Variants in PPARG observed in about 807,000 individuals in gnomAD.
PPARG encodes peroxisome proliferator activated receptor gamma, also known as peroxisome proliferator-activated receptor gamma.
PPARG carries 17 observed loss-of-function variants against 39.2 expected under a neutral mutation model. The ratio of observed to expected loss-of-function variants is 0.43; its 90% CI spans 0.30 to 0.65. The LOEUF is 0.65. Among genes scored for constraint, PPARG ranks in the 30% least tolerant of loss-of-function variants. The probability of loss-of-function intolerance (pLI) is 0.13; values close to 1 mark genes in which losing one functional copy is unlikely to be tolerated. For missense variants in PPARG, 406 were observed against 585.9 expected, an observed-to-expected ratio of 0.69 and a Z score of 3.17; for synonymous variants, 223 against 215.7, an observed-to-expected ratio of 1.03 and a Z score of -0.30.
intron 2 of PPARG, among the ~76,000 whole-genome samples, chr3:12,362,402 C>G (rs1324336943): frequency 1.3e-5 from 2 of 152,018 alleles, no homozygotes; most frequent in Non-Finnish European, 2.9e-5. Flanking sequence ...CCCTGTAATC[C>G]CAGCTACTTG....
At chr3:12,393,999 A>C (rs1008860424) in intron 5 of PPARG, among the ~76,000 whole-genome samples, 10 of 152,274 alleles carry the variant, frequency 6.6e-5, no homozygotes, top group Admixed American at 5.2e-4. Context: ...TCAACAATTG[A>C]CTACATCTGC....
At chr3:12,289,966 C>T (rs1381828305) in intron 1 of PPARG, among the ~76,000 whole-genome samples, 4 of 151,954 alleles carry the variant, frequency 2.6e-5, no homozygotes, top group Admixed American at 6.6e-5. Context: ...ATATACGAAA[C>T]TTTAAAGGTA....
intron 5 of PPARG, among the ~76,000 whole-genome samples, chr3:12,400,643 C>G (rs1458637974): frequency 6.6e-6 from 1 of 152,192 alleles, no homozygotes; most frequent in Admixed American, 6.5e-5. Context: ...GGAAGTTGCT[C>G]TGTGTGACAG....
chr3:12,420,212 C>A (rs146768076), intron 7 of PPARG, among the ~76,000 whole-genome samples: 5 of 152,324 alleles, frequency 3.3e-5, no homozygotes, highest in African/African-American at 9.6e-5. Context: ...AAGGTCTAGA[C>A]AAGAAACAGT....
chr3:12,391,901 G>A (rs775540454), intron 4 of PPARG, among the ~76,000 whole-genome samples: 3 of 152,146 alleles, frequency 2.0e-5, no homozygotes, highest in Non-Finnish European at 2.9e-5. Flanking sequence ...CGTCCAGTTC[G>A]ATTTTTTTCA....
intron 2 of PPARG, among the ~76,000 whole-genome samples, chr3:12,322,998 A>G (rs887078172): frequency 6.6e-6 from 1 of 151,596 alleles, no homozygotes; most frequent in African/African-American, 2.4e-5. Flanking sequence ...TAGAGGTGGA[A>G]TCTCGCTATG....
chr3:12,321,413 C>A (rs923515094), intron 2 of PPARG, among the ~76,000 whole-genome samples: 1 of 152,118 alleles, frequency 6.6e-6, no homozygotes, highest in African/African-American at 2.4e-5. Flanking sequence ...TTTTTTGATA[C>A]ACTTCTGCCC....
At chr3:12,374,892 A>G (rs1479681504) in intron 2 of PPARG, among the ~76,000 whole-genome samples, 1 of 152,222 alleles carries the variant, frequency 6.6e-6, no homozygotes, top group African/African-American at 2.4e-5. Flanking sequence ...AAACAAAACG[A>G]AAACAGAAAA....
intron 2 of PPARG, among the ~76,000 whole-genome samples, chr3:12,318,882 G>A (rs1361833391): frequency 6.6e-6 from 1 of 151,494 alleles, no homozygotes; most frequent in African/African-American, 2.4e-5. Context: ...TTAAGCTTGT[G>A]ACTTCTTGTT....
At chr3:12,341,152 C>T (rs2048172238) in intron 2 of PPARG, among the ~76,000 whole-genome samples, 1 of 150,896 alleles carries the variant, frequency 6.6e-6, no homozygotes, top group African/African-American at 2.4e-5. Flanking sequence ...CACTGCACTC[C>T]AGCCTGGGCA....
chr3:12,402,222 A>T (rs1037575631), intron 5 of PPARG, among the ~76,000 whole-genome samples: 1 of 152,214 alleles, frequency 6.6e-6, no homozygotes, highest in African/African-American at 2.4e-5. Context: ...TCTGTGAAAT[A>T]ACAAAAGTTC....
intron 6 of PPARG, among the ~76,000 whole-genome samples, chr3:12,411,065 A>G (rs951382059): frequency 1.3e-5 from 2 of 152,234 alleles, no homozygotes; most frequent in Non-Finnish European, 2.9e-5. Flanking sequence ...CCATGTATCA[A>G]TATTAATAAA....
At chr3:12,317,510 C>T (rs1326815780) in intron 2 of PPARG, among the ~76,000 whole-genome samples, 1 of 152,124 alleles carries the variant, frequency 6.6e-6, no homozygotes, top group East Asian at 1.9e-4. Flanking sequence ...ACCTGGCTTT[C>T]AGAGTTTTCA....
chr3:12,369,299 C>G, intron 2 of PPARG, among the ~76,000 whole-genome samples: 1 of 152,076 alleles, frequency 6.6e-6, no homozygotes, highest in African/African-American at 2.4e-5. Context: ...TGAGATCAGC[C>G]TGGGCAACAT....
intron 1 of PPARG, among the ~76,000 whole-genome samples, chr3:12,306,618 T>C (rs1309762257): frequency 4.6e-5 from 7 of 152,216 alleles, no homozygotes; most frequent in Non-Finnish European, 1.0e-4. Context: ...ATTAGACCTA[T>C]ACAGGTGTAA....
At chr3:12,338,371 CAG>C (rs779205540) in intron 2 of PPARG, among the ~76,000 whole-genome samples, 2 of 152,146 alleles carry the variant, frequency 1.3e-5, no homozygotes, top group African/African-American at 2.4e-5. Context: ...TATATTATGA[CAG>C]AATTTAAATT....
At chr3:12,303,643 C>T (rs1346426152) in intron 1 of PPARG, among the ~76,000 whole-genome samples, 1 of 152,064 alleles carries the variant, frequency 6.6e-6, no homozygotes, top group Non-Finnish European at 1.5e-5. Flanking sequence ...CAAAGGATTG[C>T]TAGGAATTAA....
At chr3:12,430,825 G>A (rs1344150862) in intron 7 of PPARG, among the ~76,000 whole-genome samples, 5 of 152,154 alleles carry the variant, frequency 3.3e-5, no homozygotes, top group African/African-American at 1.2e-4. Context: ...AGAGTGAAGG[G>A]AAGGTGAGAA....
intron 6 of PPARG, among the ~76,000 whole-genome samples, chr3:12,407,946 A>G (rs528343103): frequency 1.4e-4 from 22 of 152,346 alleles, no homozygotes; most frequent in African/African-American, 4.1e-4. Flanking sequence ...GACTACTGCT[A>G]TTATTATCCT....
Sources: gnomAD v4.1 joint callset for allele counts (sites outside exome capture counted in the v4.1 genomes callset) on GRCh38, gnomAD v4.1.1 for gene constraint, MANE v1.5 for transcripts, NCBI Gene and HGNC (gene_info 2026-07-23, HGNC 2026-07-21) for gene names.